The following CTSV variants were observed in gnomAD, a reference collection of about 807,000 sequenced individuals.
CTSV encodes cathepsin V, also known as cathepsin L2.
In CTSV, 33 loss-of-function variants were observed where a neutral mutation model predicts 35.6. The ratio of observed to expected loss-of-function variants is 0.93; its 90% CI spans 0.70 to 1.24. CTSV has a LOEUF of 1.24. Ranked by LOEUF, CTSV falls within the 50% of genes most tolerant of loss-of-function variation. The pLI is 0.00. For missense variants in CTSV, 408 were observed against 413.1 expected, an observed-to-expected ratio of 0.99 and a Z score of 0.11; for synonymous variants, 154 against 147.1, an observed-to-expected ratio of 1.05 and a Z score of -0.34.
rs1332589978 is a variant in CTSV, at chr9:97,034,783, C to G, written c.848G>C (p.Gly283Ala). ...KNLDHGVLVVGYGFEGANSNN... is the reference protein window; with the variant it reads ...KNLDHGVLVVAYGFEGANSNN... ...CGAATTTGCTCCTTCAAAGCCGTAG[C>G]CAACCACCAGAACACCATGATCCAG... Residue 283 changes from glycine (G) to alanine (A), a missense_variant, in exon 7 of 8, where the codon GGC becomes GCC. Gly to Ala is a moderately conservative substitution (Grantham distance 60, BLOSUM62 0). Coordinates refer to ENST00000259470, the MANE Select transcript of CTSV (RefSeq NM_001333.4). The G allele has an allele frequency of 3.1e-6, 5 of 1,613,952 alleles. No homozygotes were observed. The highest frequency in any genetic ancestry group is 4.2e-6 in the Non-Finnish European group (5 of 1,180,032).
At chr9:97,034,390 G>A (rs986145318) in intron 7 of CTSV, among the ~76,000 whole-genome samples, 12 of 152,128 alleles carry the variant, frequency 7.9e-5, no homozygotes, top group African/African-American at 2.7e-4. Context: ...AACCAGCAGA[G>A]GCAGATGTTT....
intron 7 of CTSV, 43 bp downstream of exon 7, chr9:97,034,683 T>C (rs1275212345): frequency 9.7e-6 from 14 of 1,450,214 alleles, no homozygotes; most frequent in Non-Finnish European, 1.3e-5. Flanking sequence ...ATCCAAATAC[T>C]GATTTGGAAC....
Position 97,038,012 on chromosome 9 carries a change from C to A in CTSV, c.32G>T (p.Cys11Phe). Residue 11 changes from cysteine (C) to phenylalanine (F), a missense_variant, in exon 2 of 8, where the codon TGC becomes TTC. Coordinates refer to ENST00000259470, the MANE Select transcript of CTSV (RefSeq NM_001333.4). MNLSLVLAAFCLGIASAVPKF... is the reference protein window; with the variant it reads MNLSLVLAAFFLGIASAVPKF... ...TGGAACAGCGGAGGCTATTCCCAAG[C>A]AAAAGGCAGCCAGGACGAGCGAAAG... 1 of 1,613,934 alleles carries A rather than the reference C, an allele frequency of 6.2e-7. No individual in the cohort carries two copies.
intron 7 of CTSV, among the ~76,000 whole-genome samples, chr9:97,034,051 C>T (rs1377938861): frequency 6.6e-6 from 1 of 151,870 alleles, no homozygotes; most frequent in African/African-American, 2.4e-5. Flanking sequence ...GAGCTGAGAT[C>T]GTGCCACTGC....
intron 5 of CTSV, 92 bp from the exon 6 acceptor site, chr9:97,035,785 C>A: frequency 1.3e-6 from 1 of 782,074 alleles, no homozygotes; most frequent in Non-Finnish European, 1.8e-6. Context: ...CAATTTGCAA[C>A]CTAGGATTTC....
intron 1 of CTSV, chr9:97,038,406 C>G (rs1040709619): frequency 5.4e-6 from 1 of 186,190 alleles, no homozygotes; most frequent in African/African-American, 2.4e-5. Flanking sequence ...CTAATGAAGA[C>G]GTACCATCCC....
chr9:97,034,227 C>G (rs1225842083), intron 7 of CTSV, among the ~76,000 whole-genome samples: 3 of 152,210 alleles, frequency 2.0e-5, no homozygotes, highest in Non-Finnish European at 4.4e-5. Context: ...TGTCACATCT[C>G]AATTAAAGAA....
chr9:97,032,843 A>G lies in CTSV; in HGVS notation c.*106T>C. The G allele has an allele frequency of 1.5e-6, 1 of 666,538 alleles. No individual in the cohort carries two copies. Among genetic ancestry groups the G allele is most frequent in the Non-Finnish European group, 2.4e-6 (1 of 408,616 alleles). 41.3% of individuals were successfully genotyped at this position (666,538 alleles called of 1,614,324 possible). On this transcript the variant is annotated 3_prime_UTR_variant, in exon 8 of 8. Transcript: ENST00000259470. ...AATTAAAATCTCAACTTGGATCCTC[A>G]ATGATTCAACTGGTTTATCTTACAC...
rs140679970 is a variant in CTSV at position 97,033,008 on chromosome 9, C to T, written c.946G>A (p.Ala316Thr). The T allele has an allele frequency of 2.5e-6, 4 of 1,613,458 alleles. No individual in the cohort carries two copies. The highest frequency in any genetic ancestry group is 3.4e-6 in the Non-Finnish European group (4 of 1,179,718). ...CCACAGTGGTTGTTCTTGTCTTTGG[C>T]TATTTTTACATAGCCATTCGAGCCC... ...EWGSNGYVKIAKDKNNHCGIA... is the reference protein window; with the variant it reads ...EWGSNGYVKITKDKNNHCGIA... Residue 316 changes from alanine to threonine, a missense_variant, in exon 8 of 8, where the codon GCC (alanine) becomes ACC (threonine). Transcript: ENST00000259470.
chr9:97,032,845 T>C lies in CTSV; in HGVS notation c.*104A>G, dbSNP rs1013834256. On this transcript the variant is annotated 3_prime_UTR_variant, in exon 8 of 8. Coordinates refer to ENST00000259470, the MANE Select transcript of CTSV (RefSeq NM_001333.4). ...TTAAAATCTCAACTTGGATCCTCAATGATTCAACTGGTTTATCTTACACAA... is the reference window on the plus strand; with the variant it reads ...TTAAAATCTCAACTTGGATCCTCAACGATTCAACTGGTTTATCTTACACAA... 2.0e-5 allele frequency: 14 copies of C among 683,364 alleles called. No individual in the cohort carries two copies. Among genetic ancestry groups the C allele is most frequent in the Non-Finnish European group, 3.3e-5 (14 of 420,668 alleles). 42.3% of individuals were successfully genotyped at this position (683,364 alleles called of 1,614,324 possible). A position where few individuals can be genotyped will look rare whatever the true frequency, so the allele number is the denominator to read the frequency against.
chr9:97,032,875 C>T lies in CTSV; in HGVS notation c.*74G>A, dbSNP rs561351246. 1.6e-4 allele frequency: 159 copies of T among 982,274 alleles called. 3 individuals carry two copies. In the South Asian group the frequency reaches 2.3e-3, roughly 14 times the overall value. 60.8% of individuals were successfully genotyped at this position (982,274 alleles called of 1,614,324 possible). A position where few individuals can be genotyped will look rare whatever the true frequency, so the allele number is the denominator to read the frequency against. The stretch of plus-strand genomic sequence containing the variant: ...CAACTGGTTTATCTTACACAATAAG[C>T]GTTTGGTCAGTTTCAAGATAAAATT... On this transcript the variant is annotated 3_prime_UTR_variant, in exon 8 of 8. Coordinates refer to ENST00000259470, the MANE Select transcript of CTSV (RefSeq NM_001333.4).
intron 5 of CTSV, 160 bp downstream of exon 5, chr9:97,036,363 C>T: frequency 1.5e-6 from 1 of 685,780 alleles, no homozygotes; most frequent in South Asian, 1.7e-5. Flanking sequence ...TCCACCACGC[C>T]TGGCCAAAGG....
In CTSV at chr9:97,037,355, T is replaced by C. The variant is rs1828871618; in HGVS notation, c.293A>G (p.Gln98Arg). 6.2e-7 allele frequency: 1 copy of C among 1,614,230 alleles called. No individual in the cohort carries two copies. The highest frequency in any genetic ancestry group is 2.2e-5 in the East Asian group (1 of 44,882). ...GAACACTTTCCCCTTCCTGAATTTC[T>C]GGTTTCGAAAGCAACCCATCATCTG... ...FRQMMGCFRNQKFRKGKVFRE... is the reference protein window; with the variant it reads ...FRQMMGCFRNRKFRKGKVFRE... The change falls in exon 4 of 8, where the codon CAG becomes CGG. Residue 98 changes from glutamine to arginine, a missense_variant. Gln to Arg is a conservative substitution (Grantham distance 43, BLOSUM62 1). Transcript: ENST00000259470.
At chr9:97,034,603 A>G (rs1828813045) in intron 7 of CTSV, 123 bp downstream of exon 7, 1 of 717,144 alleles carries the variant, frequency 1.4e-6, no homozygotes, top group Non-Finnish European at 2.4e-6. Context: ...TCAAACATTA[A>G]TATTTCTGTG....
rs1410403574 is a variant in CTSV at position 97,036,535 on chromosome 9, T to A, written c.609A>T (p.Pro203=). The A allele has an allele frequency of 6.2e-7, 1 of 1,613,404 alleles. No homozygotes were observed. ...NGGLDSEESY[P]YVAVDEICKY... ...GAGCTCCATTTACCACTGCTACATA[T>A]GGATAGGATTCCTCAGAGTCCAGGC... The change falls in exon 5 of 8, where the codon CCA becomes CCT. Residue 203 remains proline, a synonymous_variant. Coordinates refer to ENST00000259470, the MANE Select transcript of CTSV (RefSeq NM_001333.4).
chr9:97,036,977 A>AG (rs1828863340), intron 4 of CTSV, among the ~76,000 whole-genome samples: 1 of 151,926 alleles, frequency 6.6e-6, no homozygotes, highest in South Asian at 2.1e-4. Flanking sequence ...CATGGTGGTG[A>AG]GCACTTGCAA....
chr9:97,030,393 A>G lies in CTSV; in HGVS notation c.*2556T>C, dbSNP rs940972279. 6.6e-6 allele frequency: 1 copy of G among 152,172 alleles called. No homozygotes were observed. Among genetic ancestry groups the G allele is most frequent in the Non-Finnish European group, 1.5e-5 (1 of 68,044 alleles). The allele number at this position is 152,172 out of a possible 1,614,324, so 9.4% of individuals were successfully genotyped here. On this transcript the variant is annotated 3_prime_UTR_variant, in exon 8 of 8. Transcript: ENST00000259470. ...CCTTCCTTACTTCCTTTGCAATTCA[A>G]GTAAGAAAACAAACAATTTAGATGT...
At position 97,032,478 on chromosome 9, in the gene CTSV, C is replaced by T; in HGVS notation, c.*471G>A. 6.5e-6 allele frequency: 1 copy of T among 152,712 alleles called. No homozygotes were observed. The allele number at this position is 152,712 out of a possible 1,614,324, so 9.5% of individuals were successfully genotyped here. A position where few individuals can be genotyped will look rare whatever the true frequency, so the allele number is the denominator to read the frequency against. The stretch of plus-strand genomic sequence containing the variant: ...GTAGATTCAGGAGTTGGGTAACACA[C>T]AGTAACTGGGCAGCTGATATAAAGT... On this transcript the variant is annotated 3_prime_UTR_variant, in exon 8 of 8. Transcript: ENST00000259470.
chr9:97,036,057 T>G (rs1026202721), intron 5 of CTSV, among the ~76,000 whole-genome samples: 4 of 151,618 alleles, frequency 2.6e-5, no homozygotes, highest in African/African-American at 9.7e-5. Flanking sequence ...ACCAGAGAAC[T>G]GTGCAAAGGC....
Sources: gnomAD v4.1 joint callset for allele counts (sites outside exome capture counted in the v4.1 genomes callset) on GRCh38, gnomAD v4.1.1 for gene constraint, MANE v1.5 for transcripts, NCBI Gene and HGNC (gene_info 2026-07-23, HGNC 2026-07-21) for gene names.